Variants in RAD51B observed in about 807,000 individuals in gnomAD.
RAD51B encodes the protein DNA repair protein RAD51 homolog 2.
A neutral mutation model predicts 42.2 loss-of-function variants in RAD51B; 38 were observed. The observed-to-expected ratio is 0.90, with a 90% confidence interval of 0.70 to 1.18. The LOEUF (loss-of-function observed/expected upper bound fraction) is 1.18. Among genes scored for constraint, RAD51B ranks in the 50% most tolerant of loss-of-function variants. RAD51B has a pLI of 0.00. For synonymous variants in RAD51B, 154 were observed against 145.2 expected, an observed-to-expected ratio of 1.06 and a Z score of -0.43; for missense variants, 373 against 400.7, an observed-to-expected ratio of 0.93 and a Z score of 0.59.
intron 9 of RAD51B, among the ~76,000 whole-genome samples, chr14:68,412,139 G>C (rs1015802933): frequency 2.6e-5 from 4 of 152,180 alleles, no homozygotes; most frequent in African/African-American, 4.8e-5. Context: ...CTCCTTTTAA[G>C]TCTTCTGTCT....
chr14:68,374,563 A>G (rs1263116745), intron 8 of RAD51B, among the ~76,000 whole-genome samples: 2 of 151,994 alleles, frequency 1.3e-5, no homozygotes, highest in Non-Finnish European at 2.9e-5. Flanking sequence ...AAATCTTGAG[A>G]TTCTCACCTT....
At chr14:68,005,953 C>T (rs1270602926) in intron 7 of RAD51B, among the ~76,000 whole-genome samples, 1 of 152,082 alleles carries the variant, frequency 6.6e-6, no homozygotes, top group Middle Eastern at 3.2e-3. Context: ...ATGTGCTCTA[C>T]ACTTTTAGCA....
chr14:67,822,093 A>G (rs1354621078), intron 1 of RAD51B: 1 of 152,174 alleles, frequency 6.6e-6, no homozygotes, highest in African/African-American at 2.4e-5. Context: ...AAACAAATAT[A>G]TACATTCTCA....
intron 7 of RAD51B, among the ~76,000 whole-genome samples, chr14:68,011,098 A>G (rs1398055906): frequency 3.9e-5 from 6 of 151,988 alleles, no homozygotes; most frequent in Non-Finnish European, 8.8e-5. Context: ...GTTAATTTTT[A>G]GTATGAATTT....
intron 10 of RAD51B, among the ~76,000 whole-genome samples, chr14:68,487,618 C>T (rs1883733285): frequency 6.6e-6 from 1 of 152,018 alleles, no homozygotes; most frequent in African/African-American, 2.4e-5. Flanking sequence ...AAGCAATTCT[C>T]CTGCCTCAGC....
At chr14:67,995,367 G>C (rs1477177286) in intron 7 of RAD51B, among the ~76,000 whole-genome samples, 1 of 151,986 alleles carries the variant, frequency 6.6e-6, no homozygotes, top group Non-Finnish European at 1.5e-5. Flanking sequence ...TCTGGCAACA[G>C]AGCGAGACTC....
intron 8 of RAD51B, among the ~76,000 whole-genome samples, chr14:68,342,294 A>G (rs1289020796): frequency 6.6e-6 from 1 of 152,148 alleles, no homozygotes; most frequent in Non-Finnish European, 1.5e-5. Context: ...AAGAAAAAAA[A>G]TTTACTAGTC....
chr14:68,665,138 A>T (rs1021743674), intron 11 of RAD51B, among the ~76,000 whole-genome samples: 3 of 152,254 alleles, frequency 2.0e-5, no homozygotes, highest in Non-Finnish European at 4.4e-5. Context: ...AGATGTTTCC[A>T]TGACTTTTAA....
chr14:67,936,173 G>C (rs1421355179), intron 7 of RAD51B, among the ~76,000 whole-genome samples: 1 of 151,990 alleles, frequency 6.6e-6, no homozygotes, highest in Non-Finnish European at 1.5e-5. Flanking sequence ...ATTGTGCAAC[G>C]ATCACCACAG....
chr14:68,105,969 G>T (rs115938409), intron 7 of RAD51B, among the ~76,000 whole-genome samples: 251 of 152,008 alleles, frequency 1.7e-3, no homozygotes, highest in African/African-American at 5.9e-3. Context: ...AATGACTAGT[G>T]CCAAGTTTAA....
At chr14:68,519,192 A>G in intron 10 of RAD51B, among the ~76,000 whole-genome samples, 1 of 152,202 alleles carries the variant, frequency 6.6e-6, no homozygotes, top group Non-Finnish European at 1.5e-5. Context: ...CAGTGCCTCC[A>G]CTGTGGCTAT....
intron 10 of RAD51B, among the ~76,000 whole-genome samples, chr14:68,533,569 T>C (rs900417233): frequency 1.3e-5 from 2 of 152,208 alleles, no homozygotes; most frequent in Non-Finnish European, 2.9e-5. Context: ...TGTACAGATG[T>C]CACAGTGGAG....
At chr14:68,663,255 A>T (rs1347826396) in intron 11 of RAD51B, among the ~76,000 whole-genome samples, 1 of 152,146 alleles carries the variant, frequency 6.6e-6, no homozygotes, top group East Asian at 1.9e-4. Context: ...GTGAGTTGAG[A>T]TCTAGCCACT....
chr14:68,508,474 C>G (rs181332299), intron 10 of RAD51B, among the ~76,000 whole-genome samples: 1 of 152,188 alleles, frequency 6.6e-6, no homozygotes, highest in Non-Finnish European at 1.5e-5. Flanking sequence ...AGCTAGAGAC[C>G]GTTGCAGAGT....
intron 7 of RAD51B, among the ~76,000 whole-genome samples, chr14:68,102,446 G>T (rs1213859457): frequency 6.6e-6 from 1 of 152,114 alleles, no homozygotes; most frequent in South Asian, 2.1e-4. Context: ...GATCTCTAGG[G>T]CAGGGGCAAA....
At chr14:68,278,609 G>C (rs1021022524) in intron 7 of RAD51B, among the ~76,000 whole-genome samples, 12 of 152,206 alleles carry the variant, frequency 7.9e-5, no homozygotes, top group Non-Finnish European at 1.8e-4. Context: ...TTAAATAAAG[G>C]GGTGCTAAGG....
intron 5 of RAD51B, among the ~76,000 whole-genome samples, chr14:67,873,005 TTACCATTC>T (rs2042595642): frequency 6.6e-6 from 1 of 152,116 alleles, no homozygotes; most frequent in Non-Finnish European, 1.5e-5. Context: ...AACCTAGGCA[TTACCATTC>T]AGGACATAGG....
chr14:67,967,087 G>T (rs147715477), intron 7 of RAD51B, among the ~76,000 whole-genome samples: 2 of 152,250 alleles, frequency 1.3e-5, no homozygotes, highest in Non-Finnish European at 2.9e-5. Context: ...CTTCCATGGC[G>T]CCAGCAAGAG....
intron 4 of RAD51B, among the ~76,000 whole-genome samples, chr14:67,856,672 C>G (rs1852082661): frequency 6.6e-6 from 1 of 152,082 alleles, no homozygotes. Context: ...ATTTTAGGTC[C>G]TAACTGGACC....
Sources: gnomAD v4.1 joint callset for allele counts (sites outside exome capture counted in the v4.1 genomes callset) on GRCh38, gnomAD v4.1.1 for gene constraint, MANE v1.5 for transcripts, NCBI Gene and HGNC (gene_info 2026-07-23, HGNC 2026-07-21) for gene names.